Variants in TRIM54 observed in about 807,000 individuals in gnomAD.
TRIM54 encodes tripartite motif containing 54.
In TRIM54, 40 loss-of-function variants were observed where a neutral mutation model predicts 42.0. The observed-to-expected ratio is 0.95, with a 90% CI of 0.74 to 1.24. The LOEUF (loss-of-function observed/expected upper bound fraction) is 1.24, where lower values mean the gene tolerates loss of function less well. TRIM54 is among the 50% of genes most tolerant of loss of function. The pLI, the probability that TRIM54 is intolerant of heterozygous loss-of-function variation, is 0.00. For missense variants in TRIM54, 485 were observed against 480.3 expected (o/e 1.01, Z -0.09); for synonymous variants, 199 against 194.9 (o/e 1.02, Z -0.17).
intron 3 of TRIM54, among the ~76,000 whole-genome samples, chr2:27,300,581 G>A (rs1004935999): frequency 2.7e-5 from 4 of 150,166 alleles, no homozygotes; most frequent in African/African-American, 9.8e-5. Flanking sequence ...AGTAGTAGTA[G>A]TACTAATAAT....
chr2:27,306,760 C>A lies in TRIM54; in HGVS notation c.*2-127C>A. 1 of 597,610 alleles carries A rather than the reference C, an allele frequency of 1.7e-6. No individual in the cohort carries two copies. 37.0% of individuals were successfully genotyped at this position (597,610 alleles called of 1,614,324 possible). A position where few individuals can be genotyped will look rare whatever the true frequency, so the allele number is the denominator to read the frequency against. On this transcript the variant is annotated intron_variant, in intron 8 of 8. Coordinates refer to ENST00000380075, the MANE Select transcript of TRIM54 (RefSeq NM_187841.3). This position sits in a 1 kb window ranked among gnomAD's most constrained non-coding sequence, Gnocchi z 6.1. ...CCTCACCCGCTGTTCCTCTGGGGTGCTGGGAGGGCAGGCAAGGCAGGCTGA... is the reference window on the plus strand; with the variant it reads ...CCTCACCCGCTGTTCCTCTGGGGTGATGGGAGGGCAGGCAAGGCAGGCTGA...
intron 1 of TRIM54, among the ~76,000 whole-genome samples, chr2:27,296,181 C>T (rs1168438493): frequency 6.6e-6 from 1 of 152,210 alleles, no homozygotes; most frequent in Admixed American, 6.5e-5. Context: ...CAAACAAGAC[C>T]CTTGACTTGG....
Position 27,286,485 on chromosome 2 carries a change from AG to A in TRIM54, c.168+3588del, listed in dbSNP as rs1387304080. Among the ~76,000 whole-genome samples the A allele has an allele frequency of 2.0e-5, 3 of 152,290 alleles. No individual in the cohort carries two copies. In the East Asian group the frequency reaches 5.8e-4, roughly 29 times the overall value. ...CTCAGCTACCAAGAACTTCCACTAA[AG>A]GAAAGCTGTTGGTGTGGGAATTTGA... On this transcript the variant is annotated intron_variant, in intron 1 of 8. Coordinates refer to ENST00000380075, the MANE Select transcript of TRIM54 (RefSeq NM_187841.3).
In TRIM54 at chr2:27,306,082, G is replaced by A; in HGVS notation, c.846G>A (p.Gln282=). Residue 282 remains glutamine, a splice_region_variant and synonymous_variant, in exon 6 of 9, where the codon CAG becomes CAA. Transcript: ENST00000380075. This position sits in a 1 kb window ranked among gnomAD's most constrained non-coding sequence, Gnocchi z 6.1. ...EEPQMALYLQ[Q]AKELINKVGA... ...CACCCTCCTTTTCTTCCCTGCAGCAGGCCAAGGAGCTGATCAATAAGTGAG... is the reference window on the plus strand; with the variant it reads ...CACCCTCCTTTTCTTCCCTGCAGCAAGCCAAGGAGCTGATCAATAAGTGAG... 6.2e-7 allele frequency: 1 copy of A among 1,613,892 alleles called. No individual in the cohort carries two copies. The highest frequency in any genetic ancestry group is 2.2e-5 in the East Asian group (1 of 44,884).
chr2:27,303,865 C>CT (rs965527361), intron 3 of TRIM54, among the ~76,000 whole-genome samples: 2 of 151,926 alleles, frequency 1.3e-5, no homozygotes, highest in Admixed American at 6.6e-5. Context: ...AAATCAAATG[C>CT]TTTTTAAAAA....
intron 1 of TRIM54, among the ~76,000 whole-genome samples, chr2:27,289,852 CTCTT>C (rs1572519465): frequency 7.0e-6 from 1 of 142,714 alleles, no homozygotes; most frequent in African/African-American, 2.6e-5. Context: ...CACTATCTCT[CTCTT>C]TCTCTTTTTT....
chr2:27,306,591 G>A lies in TRIM54; in HGVS notation c.*1+49G>A. On this transcript the variant is annotated intron_variant, in intron 8 of 8. Coordinates refer to ENST00000380075, the MANE Select transcript of TRIM54 (RefSeq NM_187841.3). This position sits in a 1 kb window ranked among gnomAD's most constrained non-coding sequence, Gnocchi z 6.1. The stretch of plus-strand genomic sequence containing the variant: ...AAGGTGAGAGCGGCCTGAGGGGCTT[G>A]GGGTGGGGCCTGGCTGGTGTGCTCG... The A allele has an allele frequency of 6.8e-7, 1 of 1,476,694 alleles. No homozygotes were observed. Among genetic ancestry groups the A allele is most frequent in the Non-Finnish European group, 9.0e-7 (1 of 1,108,580 alleles). 91.5% of individuals were successfully genotyped at this position (1,476,694 alleles called of 1,614,324 possible).
chr2:27,299,303 A>T lies in TRIM54; in HGVS notation c.400A>T (p.Ile134Phe). The T allele has an allele frequency of 6.2e-7, 1 of 1,614,154 alleles. No homozygotes were observed. The highest frequency in any genetic ancestry group is 1.1e-5 in the South Asian group (1 of 91,080). Residue 134 changes from isoleucine to phenylalanine, a missense_variant, in exon 3 of 9, where the codon ATC (isoleucine) becomes TTC (phenylalanine). Physicochemically the swap from Ile to Phe is conservative, Grantham distance 21. Transcript: ENST00000380075. ...LMCEEHEEEKINIYCLSCEVP... is the reference protein window; with the variant it reads ...LMCEEHEEEKFNIYCLSCEVP... ...GTGCGAGGAGCATGAAGAAGAGAAG[A>T]TCAATATTTACTGCCTGAGCTGTGA...
chr2:27,299,206 A>G, intron 2 of TRIM54, 39 bp from the exon 3 acceptor site: 3 of 1,608,808 alleles, frequency 1.9e-6, no homozygotes, highest in Non-Finnish European at 2.5e-6. Flanking sequence ...AGGACCCTTC[A>G]TGCTTAAGGT....
intron 3 of TRIM54, among the ~76,000 whole-genome samples, chr2:27,304,297 A>G (rs1389381584): frequency 7.0e-6 from 1 of 142,668 alleles, no homozygotes; most frequent in Non-Finnish European, 1.5e-5. Flanking sequence ...GATATAAAAC[A>G]TTCAACAGAT....
intron 1 of TRIM54, among the ~76,000 whole-genome samples, chr2:27,288,047 A>G (rs1473656622): frequency 6.6e-6 from 1 of 152,204 alleles, no homozygotes; most frequent in Non-Finnish European, 1.5e-5. Context: ...GCCCATAGCT[A>G]GCCCTCTGTT....
At chr2:27,302,935 AAGT>A (rs1422020866) in intron 3 of TRIM54, among the ~76,000 whole-genome samples, 1 of 152,138 alleles carries the variant, frequency 6.6e-6, no homozygotes, top group Non-Finnish European at 1.5e-5. Context: ...CTACTTGTGA[AAGT>A]AGCTATAAGG....
At chr2:27,286,357 C>G (rs1385543353) in intron 1 of TRIM54, among the ~76,000 whole-genome samples, 2 of 152,088 alleles carry the variant, frequency 1.3e-5, no homozygotes, top group African/African-American at 4.8e-5. Context: ...CTTTTTAGAG[C>G]TGTAACAACT....
chr2:27,288,189 T>C (rs2148189731), intron 1 of TRIM54, among the ~76,000 whole-genome samples: 1 of 152,364 alleles, frequency 6.6e-6, no homozygotes, highest in Admixed American at 6.5e-5. Flanking sequence ...ATTCTGAGTG[T>C]CTGGCTCACA....
At chr2:27,287,585 A>G (rs1247323232) in intron 1 of TRIM54, among the ~76,000 whole-genome samples, 1 of 152,020 alleles carries the variant, frequency 6.6e-6, no homozygotes, top group Non-Finnish European at 1.5e-5. Context: ...GTGCAGTGGC[A>G]CGATCATAGT....
chr2:27,282,730 G>T lies in TRIM54; in HGVS notation c.-2G>T. 2 of 1,611,014 alleles carry T rather than the reference G, an allele frequency of 1.2e-6. No individual in the cohort carries two copies. Among genetic ancestry groups the T allele is most frequent in the Non-Finnish European group, 1.7e-6 (2 of 1,178,570 alleles). On this transcript the variant is annotated 5_prime_UTR_variant, in exon 1 of 9. Transcript: ENST00000380075. ...CCCAGGCCAGGCACGACCACCGAGGGGATGAACTTCACAGTGGGTTTCAAG... is the reference window on the plus strand; with the variant it reads ...CCCAGGCCAGGCACGACCACCGAGGTGATGAACTTCACAGTGGGTTTCAAG...
intron 1 of TRIM54, among the ~76,000 whole-genome samples, chr2:27,284,640 G>T (rs1678507129): frequency 6.6e-6 from 1 of 151,970 alleles, no homozygotes; most frequent in African/African-American, 2.4e-5. Flanking sequence ...TTTTTCCTTG[G>T]TCTAAGTAAC....
At position 27,305,737 on chromosome 2, in the gene TRIM54, G is replaced by A. The variant is rs148250568; in HGVS notation, c.763G>A (p.Asp255Asn). 34 of 1,611,822 alleles carry A rather than the reference G, an allele frequency of 2.1e-5. No individual in the cohort carries two copies. In the African/African-American group the frequency reaches 3.6e-4, roughly 17 times the overall value. Residue 255 changes from aspartate to asparagine, a missense_variant, in exon 5 of 9, where the codon GAC (aspartate) becomes AAC (asparagine). Coordinates refer to ENST00000380075, the MANE Select transcript of TRIM54 (RefSeq NM_187841.3). ...RVRGLIRQYG[D>N]HLEASSKLVE... ...CCGCGGCCTCATCCGTCAGTATGGC[G>A]ACCACCTGGAGGCCTCCTCTAAGCT... is the stretch of plus-strand genomic sequence containing the variant.
At position 27,299,421 on chromosome 2, in the gene TRIM54, C is replaced by T; in HGVS notation, c.513+5C>T. The T allele has an allele frequency of 6.2e-7, 1 of 1,613,228 alleles. No homozygotes were observed. Among genetic ancestry groups the T allele is most frequent in the Non-Finnish European group, 8.5e-7 (1 of 1,179,718 alleles). ...ACCATTTACAAACGCCAGAAGGTAT[C>T]AAACAGGGGAGGGAGTAGATATGTG... On this transcript the variant is annotated splice_donor_5th_base_variant and intron_variant, in intron 3 of 8. Transcript: ENST00000380075.
Sources: gnomAD v4.1 joint callset for allele counts (sites outside exome capture counted in the v4.1 genomes callset) on GRCh38, gnomAD v4.1.1 for gene constraint, Gnocchi (gnomAD v3.1) non-coding constraint, MANE v1.5 for transcripts, NCBI Gene and HGNC (gene_info 2026-07-23, HGNC 2026-07-21) for gene names.